The following VEPH1 variants were observed in gnomAD, a reference collection of about 807,000 sequenced individuals.
VEPH1 encodes ventricular zone-expressed PH domain-containing protein homolog 1.
VEPH1 carries 80 observed loss-of-function variants against 85.2 expected under a neutral mutation model. The ratio of observed to expected loss-of-function variants is 0.94; its 90% confidence interval spans 0.78 to 1.13. VEPH1 has a LOEUF of 1.13. Ranked by LOEUF, VEPH1 falls within the 50% of genes most tolerant of loss-of-function variation. VEPH1 has a pLI of 0.00. For missense variants in VEPH1, 955 were observed against 980.5 expected (o/e 0.97, Z 0.35); for synonymous variants, 297 against 348.0 (o/e 0.85, Z 1.63).
chr3:157,291,771 G>A (rs1454863087), intron 11 of VEPH1, among the ~76,000 whole-genome samples: 1 of 152,086 alleles, frequency 6.6e-6, no homozygotes, highest in Admixed American at 6.5e-5. Flanking sequence ...ATGGCACTTT[G>A]CCCATAGTAA....
intron 7 of VEPH1, among the ~76,000 whole-genome samples, chr3:157,373,565 T>C (rs1048775477): frequency 7.2e-5 from 11 of 152,178 alleles, no homozygotes; most frequent in African/African-American, 2.4e-4. Context: ...AAATAGTGAA[T>C]AGCTAGGTCA....
At chr3:157,362,268 C>T (rs1367928383) in intron 9 of VEPH1, among the ~76,000 whole-genome samples, 6 of 152,162 alleles carry the variant, frequency 3.9e-5, no homozygotes, top group East Asian at 3.9e-4. Flanking sequence ...TGACCTCAGG[C>T]GATCCACCTG....
intron 11 of VEPH1, among the ~76,000 whole-genome samples, chr3:157,302,526 C>T (rs1017535762): frequency 3.3e-5 from 5 of 152,198 alleles, no homozygotes; most frequent in Admixed American, 6.5e-5. Context: ...CCTTCAACCA[C>T]GTGAGGACAC....
intron 9 of VEPH1, among the ~76,000 whole-genome samples, chr3:157,320,283 C>T (rs1721216944): frequency 6.6e-6 from 1 of 152,102 alleles, no homozygotes; most frequent in Non-Finnish European, 1.5e-5. Context: ...ATAATAATGA[C>T]TGCTCACAGA....
intron 12 of VEPH1, among the ~76,000 whole-genome samples, chr3:157,275,243 A>G (rs1318749356): frequency 6.6e-6 from 1 of 152,198 alleles, no homozygotes; most frequent in Non-Finnish European, 1.5e-5. Flanking sequence ...ATTGTTAAAG[A>G]TAAATGCCTT....
chr3:157,483,123 T>TACAC (rs60205276), intron 2 of VEPH1, among the ~76,000 whole-genome samples: 8,403 of 146,740 alleles, frequency 0.057, 405 homozygotes, highest in African/African-American at 0.14. Context: ...TTTAAAAGCA[T>TACAC]ACACACACAC....
At chr3:157,338,817 T>C (rs1270735406) in intron 9 of VEPH1, among the ~76,000 whole-genome samples, 2 of 152,360 alleles carry the variant, frequency 1.3e-5, no homozygotes, top group East Asian at 3.9e-4. Context: ...ATTGATGGTA[T>C]GGACATCTCT....
chr3:157,417,915 T>C (rs555896251), intron 5 of VEPH1, among the ~76,000 whole-genome samples: 1 of 152,286 alleles, frequency 6.6e-6, no homozygotes, highest in African/African-American at 2.4e-5. Flanking sequence ...GAGAGATGTC[T>C]CTCAGCCCCC....
At chr3:157,387,367 T>A (rs998019627) in intron 6 of VEPH1, among the ~76,000 whole-genome samples, 1 of 152,182 alleles carries the variant, frequency 6.6e-6, no homozygotes, top group Non-Finnish European at 1.5e-5. Flanking sequence ...ACTTGACATA[T>A]GCATTTTAAC....
intron 4 of VEPH1, among the ~76,000 whole-genome samples, chr3:157,452,392 G>A (rs574747454): frequency 1.4e-4 from 21 of 152,294 alleles, no homozygotes; most frequent in South Asian, 6.2e-4. Context: ...AAAGAGGAAC[G>A]AGGGTTTATT....
chr3:157,477,547 G>C (rs757756127), intron 2 of VEPH1, among the ~76,000 whole-genome samples: 1 of 151,998 alleles, frequency 6.6e-6, no homozygotes, highest in Non-Finnish European at 1.5e-5. Context: ...GCCTTGATAA[G>C]AACTGGAGTG....
At chr3:157,404,887 G>A (rs988226101) in intron 6 of VEPH1, among the ~76,000 whole-genome samples, 3 of 152,190 alleles carry the variant, frequency 2.0e-5, no homozygotes, top group Non-Finnish European at 2.9e-5. Context: ...GCTGGAATTA[G>A]CAACTGCTTC....
chr3:157,339,753 A>T (rs1723326920), intron 9 of VEPH1, among the ~76,000 whole-genome samples: 1 of 152,130 alleles, frequency 6.6e-6, no homozygotes, highest in Non-Finnish European at 1.5e-5. Context: ...TAGAATTTAT[A>T]TTGAAAAAGA....
intron 6 of VEPH1, among the ~76,000 whole-genome samples, chr3:157,385,219 CA>C (rs66539962): frequency 0.12 from 16,425 of 135,406 alleles, 1,519 homozygotes; most frequent in African/African-American, 0.27. Context: ...CTCCTCCCAT[CA>C]AAAAAAAAAA....
chr3:157,419,133 G>A (rs1190908525), intron 5 of VEPH1, among the ~76,000 whole-genome samples: 1 of 152,178 alleles, frequency 6.6e-6, no homozygotes, highest in Non-Finnish European at 1.5e-5. Context: ...GCCATATGCA[G>A]AAGACTGAAA....
At chr3:157,407,316 G>A (rs1464850959) in intron 6 of VEPH1, among the ~76,000 whole-genome samples, 2 of 152,096 alleles carry the variant, frequency 1.3e-5, no homozygotes, top group Non-Finnish European at 2.9e-5. Flanking sequence ...GGGAGGTGGG[G>A]ACCACCTACC....
At chr3:157,435,867 T>C (rs1733532399) in intron 4 of VEPH1, among the ~76,000 whole-genome samples, 1 of 152,214 alleles carries the variant, frequency 6.6e-6, no homozygotes, top group African/African-American at 2.4e-5. Flanking sequence ...TAGAATAATA[T>C]AATGTCCACA....
intron 2 of VEPH1, among the ~76,000 whole-genome samples, chr3:157,471,747 T>G (rs904290240): frequency 1.3e-5 from 2 of 151,948 alleles, no homozygotes; most frequent in African/African-American, 4.8e-5. Context: ...TGGTACAATA[T>G]ATTTTTCTAT....
chr3:157,365,925 G>T (rs1340128532), intron 7 of VEPH1, among the ~76,000 whole-genome samples: 2 of 152,138 alleles, frequency 1.3e-5, no homozygotes, highest in Non-Finnish European at 2.9e-5. Context: ...ACCATTGGCG[G>T]TTAACTCGAT....
Sources: gnomAD v4.1 joint callset for allele counts (sites outside exome capture counted in the v4.1 genomes callset) on GRCh38, gnomAD v4.1.1 for gene constraint, MANE v1.5 for transcripts, NCBI Gene and HGNC (gene_info 2026-07-23, HGNC 2026-07-21) for gene names.